Variants in HSPBAP1 observed in about 807,000 individuals in gnomAD.
HSPBAP1 encodes the protein HSPB1-associated protein 1.
HSPBAP1 carries 27 observed loss-of-function variants against 45.2 expected under a neutral mutation model. That is an observed-to-expected ratio of 0.60 (90% confidence interval 0.44 to 0.82). The LOEUF is 0.82. Among genes scored for constraint, HSPBAP1 ranks in the 40% least tolerant of loss-of-function variants. The pLI is 0.00. For synonymous variants in HSPBAP1, 204 were observed against 202.7 expected, an observed-to-expected ratio of 1.01 and a Z score of -0.06; for missense variants, 510 against 590.9, an observed-to-expected ratio of 0.86 and a Z score of 1.42.
At chr3:122,766,699 A>ACGAG (rs1397433517) in intron 3 of HSPBAP1, among the ~76,000 whole-genome samples, 1 of 152,232 alleles carries the variant, frequency 6.6e-6, no homozygotes, top group African/African-American at 2.4e-5. Context: ...ATGTATGCAC[A>ACGAG]CGCTCTGTAG....
At chr3:122,770,939 C>T (rs1934972623) in intron 2 of HSPBAP1, among the ~76,000 whole-genome samples, 1 of 152,222 alleles carries the variant, frequency 6.6e-6, no homozygotes, top group Non-Finnish European at 1.5e-5. Context: ...CAACTGAATA[C>T]TAAAGCCATT....
At position 122,740,153 on chromosome 3, in the gene HSPBAP1, A is replaced by G; in HGVS notation, c.*192T>C. 1 of 372,972 alleles carries G rather than the reference A, an allele frequency of 2.7e-6. No homozygotes were observed. The highest frequency in any genetic ancestry group is 4.6e-6 in the Non-Finnish European group (1 of 215,068). 23.1% of individuals were successfully genotyped at this position (372,972 alleles called of 1,614,324 possible). A position where few individuals can be genotyped will look rare whatever the true frequency, so the allele number is the denominator to read the frequency against. On this transcript the variant is annotated 3_prime_UTR_variant, in exon 8 of 8. Transcript: ENST00000306103. Reference sequence around the variant, plus strand: ...AGAGAGGAACAAAAGCTTACAAACAAAGAGCAGCCAGTTTGGCCAAAGAGG... The same window carrying G: ...AGAGAGGAACAAAAGCTTACAAACAGAGAGCAGCCAGTTTGGCCAAAGAGG...
At chr3:122,749,015 G>A (rs1934030113) in intron 6 of HSPBAP1, among the ~76,000 whole-genome samples, 1 of 151,816 alleles carries the variant, frequency 6.6e-6, no homozygotes, top group Admixed American at 6.6e-5. Flanking sequence ...ATGGAATAAA[G>A]GATAGAAAAT....
chr3:122,793,744 A>G lies in HSPBAP1; in HGVS notation c.-64T>C. 1.3e-6 allele frequency: 2 copies of G among 1,508,246 alleles called. No individual in the cohort carries two copies. The highest frequency in any genetic ancestry group is 2.3e-5 in the East Asian group (1 of 44,066). 93.4% of individuals were successfully genotyped at this position (1,508,246 alleles called of 1,614,324 possible). A position where few individuals can be genotyped will look rare whatever the true frequency, so the allele number is the denominator to read the frequency against. ...AGCGGAGCTGGGGTGGGGTCAGAGTAGGGGCCAAACTCCGAGACCCGAAGC... is the reference window on the plus strand; with the variant it reads ...AGCGGAGCTGGGGTGGGGTCAGAGTGGGGGCCAAACTCCGAGACCCGAAGC... On this transcript the variant is annotated 5_prime_UTR_variant, in exon 1 of 8. Transcript: ENST00000306103.
intron 2 of HSPBAP1, among the ~76,000 whole-genome samples, chr3:122,774,520 A>G (rs1440631613): frequency 2.0e-5 from 3 of 152,214 alleles, no homozygotes; most frequent in South Asian, 2.1e-4. Flanking sequence ...CCACACCACA[A>G]TGGACATTTT....
intron 6 of HSPBAP1, 130 bp downstream of exon 6, chr3:122,752,461 T>C: frequency 5.0e-6 from 3 of 597,976 alleles, no homozygotes; most frequent in Non-Finnish European, 8.7e-6. Flanking sequence ...TATAGTGCAC[T>C]GCAACAAAAA....
chr3:122,783,598 C>T (rs765914013), intron 1 of HSPBAP1, among the ~76,000 whole-genome samples: 5 of 152,060 alleles, frequency 3.3e-5, no homozygotes, highest in Admixed American at 6.5e-5. Context: ...AAATGAAGAC[C>T]GAAAGAAGCA....
chr3:122,784,565 G>C (rs1052587712), intron 1 of HSPBAP1, among the ~76,000 whole-genome samples: 1 of 152,202 alleles, frequency 6.6e-6, no homozygotes, highest in Admixed American at 6.5e-5. Flanking sequence ...GGGAGAGTTG[G>C]ACCTGAAGTT....
At chr3:122,781,481 T>C (rs965877697) in intron 1 of HSPBAP1, among the ~76,000 whole-genome samples, 1 of 147,732 alleles carries the variant, frequency 6.8e-6, no homozygotes, top group African/African-American at 2.5e-5. Flanking sequence ...GGCAGGGAGG[T>C]TGCAGTGAGC....
At chr3:122,752,456 T>A (rs1934187481) in intron 6 of HSPBAP1, 135 bp downstream of exon 6, 1 of 582,930 alleles carries the variant, frequency 1.7e-6, no homozygotes, top group East Asian at 2.9e-5. Flanking sequence ...TACGTTATAG[T>A]GCACTGCAAC....
At chr3:122,783,328 G>A (rs1324879767) in intron 1 of HSPBAP1, among the ~76,000 whole-genome samples, 2 of 152,152 alleles carry the variant, frequency 1.3e-5, no homozygotes, top group East Asian at 1.9e-4. Context: ...ATGAATCTAA[G>A]TACAAGATTA....
chr3:122,793,779 G>T lies in HSPBAP1; in HGVS notation c.-99C>A. 8.7e-7 allele frequency: 1 copy of T among 1,154,526 alleles called. No individual in the cohort carries two copies. Among genetic ancestry groups the T allele is most frequent in the Admixed American group, 2.1e-5 (1 of 48,000 alleles). 71.5% of individuals were successfully genotyped at this position (1,154,526 alleles called of 1,614,324 possible). A position where few individuals can be genotyped will look rare whatever the true frequency, so the allele number is the denominator to read the frequency against. ...CTCCGAGACCCGAAGCTGCACCACA[G>T]GAAGGAGCCCCGGCGACTCCCGCCC... On this transcript the variant is annotated 5_prime_UTR_variant, in exon 1 of 8. The change creates a new upstream start codon in the 5' untranslated region. Transcript: ENST00000306103.
intron 1 of HSPBAP1, among the ~76,000 whole-genome samples, chr3:122,791,845 G>C (rs924310120): frequency 6.6e-6 from 1 of 152,164 alleles, no homozygotes; most frequent in East Asian, 1.9e-4. Context: ...TAACTTCTAA[G>C]GGCAATGTAA....
At chr3:122,750,389 A>G (rs80327282) in intron 6 of HSPBAP1, among the ~76,000 whole-genome samples, 98 of 152,318 alleles carry the variant, frequency 6.4e-4, no homozygotes, top group Non-Finnish European at 1.0e-3. Flanking sequence ...TATAGTTCAT[A>G]AGTCTGATGA....
intron 3 of HSPBAP1, among the ~76,000 whole-genome samples, chr3:122,761,341 C>T (rs1934574857): frequency 6.6e-6 from 1 of 151,768 alleles, no homozygotes; most frequent in African/African-American, 2.4e-5. Context: ...AGACCAACCC[C>T]ACATGAAAAA....
Position 122,789,695 on chromosome 3 carries a change from A to G in HSPBAP1, c.64+3922T>C, listed in dbSNP as rs1378120079. Among the ~76,000 whole-genome samples the G allele has an allele frequency of 2.0e-5, 3 of 152,152 alleles. No homozygotes were observed. In the East Asian group the frequency reaches 5.8e-4, roughly 29 times the overall value. On this transcript the variant is annotated intron_variant, in intron 1 of 7. Coordinates refer to ENST00000306103, the MANE Select transcript of HSPBAP1 (RefSeq NM_024610.6). ...AATGTATAAAACTTTATTGAAACTAAGCACTTGTTTTCTCCACTTCTGTAG... is the reference window on the plus strand; with the variant it reads ...AATGTATAAAACTTTATTGAAACTAGGCACTTGTTTTCTCCACTTCTGTAG...
intron 6 of HSPBAP1, among the ~76,000 whole-genome samples, chr3:122,744,133 A>C (rs1933767374): frequency 6.6e-6 from 1 of 152,222 alleles, no homozygotes; most frequent in African/African-American, 2.4e-5. Flanking sequence ...AAAAGATATA[A>C]CAAAGGAAAA....
Position 122,759,355 on chromosome 3 carries a change from C to A in HSPBAP1, c.438G>T (p.Val146=). The part of the protein sequence containing the change: ...FEDKTDLFQD[V]KWSDFGFPGR... ...CAGGAAACCCGAAGTCAGACCATTT[C>A]ACATCCTGTTTTGAAATAAAGTTGC... Residue 146 remains valine (V), a synonymous_variant, in exon 4 of 8, where the codon GTG becomes GTT. Coordinates refer to ENST00000306103, the MANE Select transcript of HSPBAP1 (RefSeq NM_024610.6). 6.2e-7 allele frequency: 1 copy of A among 1,612,610 alleles called. No individual in the cohort carries two copies. Among genetic ancestry groups the A allele is most frequent in the South Asian group, 1.1e-5 (1 of 91,062 alleles).
intron 5 of HSPBAP1, chr3:122,753,055 C>T: frequency 9.3e-6 from 8 of 863,674 alleles, no homozygotes; most frequent in Non-Finnish European, 1.1e-5. Context: ...TCTGTTTTCT[C>T]ACAGCTCAAA....
Sources: gnomAD v4.1 joint callset for allele counts (sites outside exome capture counted in the v4.1 genomes callset) on GRCh38, gnomAD v4.1.1 for gene constraint, MANE v1.5 for transcripts, NCBI Gene and HGNC (gene_info 2026-07-23, HGNC 2026-07-21) for gene names.